The following AKT3 variants were observed in gnomAD, a reference collection of about 807,000 sequenced individuals.
AKT3 encodes RAC-gamma serine/threonine-protein kinase.
Under a neutral mutation model 65.3 loss-of-function variants are expected in AKT3, and 15 were observed. The ratio of observed to expected loss-of-function variants is 0.23; its 90% CI spans 0.15 to 0.35. The LOEUF (loss-of-function observed/expected upper bound fraction) is 0.35, where lower values mean the gene tolerates loss of function less well. AKT3 is among the 10% of genes least tolerant of loss of function. The pLI is 1.00. For synonymous variants in AKT3, 206 were observed against 183.8 expected, an observed-to-expected ratio of 1.12 and a Z score of -0.98; for missense variants, 243 against 576.5, an observed-to-expected ratio of 0.42 and a Z score of 5.92.
chr1:243,523,923 CA>C (rs34041044), intron 12 of AKT3, among the ~76,000 whole-genome samples: 10,122 of 152,234 alleles, frequency 0.066, 1,110 homozygotes, highest in African/African-American at 0.23. Context: ...CACTTAATGA[CA>C]GGGGTCTCTT....
At chr1:243,634,929 G>A (rs886087415) in intron 6 of AKT3, among the ~76,000 whole-genome samples, 1 of 151,748 alleles carries the variant, frequency 6.6e-6, no homozygotes, top group African/African-American at 2.4e-5. Flanking sequence ...GGAAGACTTC[G>A]ACAACTCAAT....
At chr1:243,645,811 C>T (rs1680766152) in intron 5 of AKT3, 82 bp downstream of exon 5, 1 of 1,356,260 alleles carries the variant, frequency 7.4e-7, no homozygotes, top group East Asian at 2.4e-5. Flanking sequence ...AACTGGCTGA[C>T]ATCTTTCTGC....
chr1:243,576,570 G>C lies in AKT3; in HGVS notation c.697-3522C>G, dbSNP rs2881095. Among the ~76,000 whole-genome samples the C allele has an allele frequency of 3.0e-3, 456 of 152,250 alleles. 1 individual carries two copies. Among genetic ancestry groups the C allele is most frequent in the Middle Eastern group, 0.027 (8 of 294 alleles). ...GAAAATCAATGTGCAAAAGTCATAA[G>C]CATTCCTATACAACAACAACAGAGA... On this transcript the variant is annotated intron_variant, in intron 8 of 13. Transcript: ENST00000673466.
Position 243,816,899 on chromosome 1 carries a change from G to C in AKT3, c.46+26226C>G, listed in dbSNP as rs1426694191. 3.3e-5 allele frequency among the ~76,000 whole-genome samples: 5 copies of C among 152,288 alleles called. No homozygotes were observed. In the East Asian group the frequency reaches 9.7e-4, roughly 29 times the overall value. On this transcript the variant is annotated intron_variant, in intron 2 of 13. Coordinates refer to ENST00000673466, the MANE Select transcript of AKT3 (RefSeq NM_005465.7). ...AAATTCCTTATCATTCTTCCTATGA[G>C]GAAATGGACTCCATTTCCCCTCCTC...
chr1:243,762,335 T>A (rs554246577), intron 2 of AKT3, among the ~76,000 whole-genome samples: 90 of 152,196 alleles, frequency 5.9e-4, no homozygotes, highest in Non-Finnish European at 7.4e-5. Context: ...AACTCCTTTG[T>A]AATAATTTGA....
chr1:243,546,436 G>T (rs1406530944), intron 11 of AKT3, among the ~76,000 whole-genome samples: 1 of 151,844 alleles, frequency 6.6e-6, no homozygotes, highest in Non-Finnish European at 1.5e-5. Flanking sequence ...AGGAAAAGAG[G>T]GGAAAAGAAC....
At chr1:243,642,454 C>CAT (rs1558676872) in intron 5 of AKT3, among the ~76,000 whole-genome samples, 29 of 152,138 alleles carry the variant, frequency 1.9e-4, no homozygotes, top group African/African-American at 6.5e-4. Context: ...GGACTACAGG[C>CAT]GCCCGCCACC....
intron 8 of AKT3, among the ~76,000 whole-genome samples, chr1:243,595,972 C>A (rs767920739): frequency 6.6e-6 from 1 of 152,096 alleles, no homozygotes; most frequent in East Asian, 1.9e-4. Flanking sequence ...TCTACACAAC[C>A]GGCAGCACAG....
At chr1:243,765,013 T>C (rs1689726372) in intron 2 of AKT3, among the ~76,000 whole-genome samples, 2 of 152,126 alleles carry the variant, frequency 1.3e-5, no homozygotes, top group Non-Finnish European at 2.9e-5. Context: ...TATACATATA[T>C]TTACTTTTGG....
At position 243,554,792 on chromosome 1, in the gene AKT3, T is replaced by C. The variant is rs58319968; in HGVS notation, c.949-1849A>G. Among the ~76,000 whole-genome samples the C allele has an allele frequency of 3.9e-3, 593 of 152,144 alleles. 3 individuals carry two copies. Among genetic ancestry groups the C allele is most frequent in the African/African-American group, 0.013 (555 of 41,520 alleles). ...TGTGGTTTTTAACCTCTTTTTTTTT[T>C]CATAAAACCATAAAAAGCATAAAAG... On this transcript the variant is annotated intron_variant, in intron 10 of 13. Coordinates refer to ENST00000673466, the MANE Select transcript of AKT3 (RefSeq NM_005465.7).
intron 5 of AKT3, among the ~76,000 whole-genome samples, chr1:243,639,301 T>C (rs1373805041): frequency 1.3e-5 from 2 of 152,142 alleles, no homozygotes; most frequent in African/African-American, 4.8e-5. Flanking sequence ...TCTACAGACA[T>C]TTAAACAAGA....
chr1:243,693,208 G>A (rs1684813001), intron 3 of AKT3, among the ~76,000 whole-genome samples: 1 of 118,338 alleles, frequency 8.5e-6, no homozygotes, highest in Non-Finnish European at 1.7e-5. Flanking sequence ...TCAGAAAAAT[G>A]AGGGATATAT....
intron 12 of AKT3, among the ~76,000 whole-genome samples, chr1:243,524,158 G>A (rs1208322398): frequency 2.0e-5 from 3 of 152,236 alleles, no homozygotes; most frequent in South Asian, 2.1e-4. Context: ...GTAGAAATAC[G>A]CTATTATAAT....
At chr1:243,528,074 A>G (rs1671278547) in intron 12 of AKT3, among the ~76,000 whole-genome samples, 1 of 152,134 alleles carries the variant, frequency 6.6e-6, no homozygotes, top group Admixed American at 6.5e-5. Context: ...TTTCCAATTG[A>G]TGTCACTACA....
At chr1:243,640,473 CAG>C (rs1193191067) in intron 5 of AKT3, among the ~76,000 whole-genome samples, 1 of 152,208 alleles carries the variant, frequency 6.6e-6, no homozygotes, top group Non-Finnish European at 1.5e-5. Context: ...ATGCCAGTAA[CAG>C]ACAAAGCCTT....
At chr1:243,846,194 G>T (rs1350794446) in intron 1 of AKT3, among the ~76,000 whole-genome samples, 1 of 152,028 alleles carries the variant, frequency 6.6e-6, no homozygotes, top group Non-Finnish European at 1.5e-5. Context: ...CTCCATTATT[G>T]GAAAAATACT....
chr1:243,612,109 A>AT (rs978297703), intron 8 of AKT3, among the ~76,000 whole-genome samples: 178 of 145,486 alleles, frequency 1.2e-3, no homozygotes, highest in South Asian at 7.8e-3. Flanking sequence ...TTGGGTTTTG[A>AT]TTTTTTTTTT....
intron 4 of AKT3, among the ~76,000 whole-genome samples, chr1:243,651,393 C>G (rs1681310625): frequency 6.6e-6 from 1 of 152,074 alleles, no homozygotes; most frequent in African/African-American, 2.4e-5. Flanking sequence ...ATTTCTTTCT[C>G]TTACCTGATT....
intron 8 of AKT3, among the ~76,000 whole-genome samples, chr1:243,611,821 G>T (rs1334899422): frequency 6.6e-6 from 1 of 152,096 alleles, no homozygotes; most frequent in Non-Finnish European, 1.5e-5. Context: ...TCATCCACCA[G>T]TGATTCTGCC....
Sources: gnomAD v4.1 joint callset for allele counts (sites outside exome capture counted in the v4.1 genomes callset) on GRCh38, gnomAD v4.1.1 for gene constraint, MANE v1.5 for transcripts, NCBI Gene and HGNC (gene_info 2026-07-23, HGNC 2026-07-21) for gene names.